Variants in NRXN3 observed in about 807,000 individuals in gnomAD.
The protein encoded by NRXN3 is neurexin III.
A neutral mutation model predicts 137.6 loss-of-function variants in NRXN3; 32 were observed. The observed-to-expected ratio is 0.23, with a 90% CI of 0.18 to 0.31. The LOEUF (loss-of-function observed/expected upper bound fraction) is 0.31. Ranked by LOEUF, NRXN3 falls within the 10% of genes least tolerant of loss-of-function variation. The pLI, the probability that NRXN3 is intolerant of heterozygous loss-of-function variation, is 1.00. For synonymous variants in NRXN3, 798 were observed against 784.5 expected, an observed-to-expected ratio of 1.02 and a Z score of -0.29; for missense variants, 1,574 against 2,062.5, an observed-to-expected ratio of 0.76 and a Z score of 4.59.
chr14:79,238,510 T>C (rs1378780279), intron 15 of NRXN3, among the ~76,000 whole-genome samples: 1 of 152,080 alleles, frequency 6.6e-6, no homozygotes, highest in Non-Finnish European at 1.5e-5. Flanking sequence ...GTTGGAAGTC[T>C]TGTACGTTCC....
Position 78,243,101 on chromosome 14 carries a change from C to T in NRXN3, c.8C>T (p.Ser3Phe). Residue 3 changes from serine to phenylalanine, a missense_variant, in exon 2 of 21, where the codon TCC becomes TTC. Ser to Phe is a radical substitution (Grantham distance 155). Around this residue, in one of 5 missense-constraint regions of NRXN3, gnomAD observed 400 missense variants for 527.3 expected, o/e 0.76. Transcript: ENST00000335750. This position sits in a 1 kb window ranked among gnomAD's most constrained non-coding sequence, Gnocchi z 4.2. ...TCTGTCCCAGCAGCGACAATGAGCT[C>T]CACACTCCACTCGGTTTTCTTCACC... MS[S>F]TLHSVFFTLK... The T allele has an allele frequency of 6.6e-7, 1 of 1,526,600 alleles. No individual in the cohort carries two copies. The highest frequency in any genetic ancestry group is 8.7e-7 in the Non-Finnish European group (1 of 1,143,068). The allele number at this position is 1,526,600 out of a possible 1,614,324, so 94.6% of individuals were successfully genotyped here.
intron 16 of NRXN3, among the ~76,000 whole-genome samples, chr14:79,627,074 T>C (rs941599406): frequency 2.0e-5 from 3 of 152,154 alleles, no homozygotes; most frequent in Non-Finnish European, 4.4e-5. Flanking sequence ...TAAAAGCACC[T>C]CTCCCTTGGT....
chr14:78,492,596 T>TCA (rs2153750541), intron 4 of NRXN3, among the ~76,000 whole-genome samples: 1 of 152,278 alleles, frequency 6.6e-6, no homozygotes, highest in African/African-American at 2.4e-5. Context: ...AAATGGGTGT[T>TCA]CACACACACA....
chr14:79,820,489 T>G (rs2099268304), intron 20 of NRXN3, among the ~76,000 whole-genome samples: 1 of 152,192 alleles, frequency 6.6e-6, no homozygotes, highest in African/African-American at 2.4e-5. Flanking sequence ...ACTGCAAAAA[T>G]GGCTTTTCCT....
chr14:78,634,285 C>T (rs1336054187), intron 4 of NRXN3, among the ~76,000 whole-genome samples: 1 of 152,162 alleles, frequency 6.6e-6, no homozygotes, highest in African/African-American at 2.4e-5. Flanking sequence ...TGGAAAGCAA[C>T]GATGGGGCAG....
rs373491178 is a variant in NRXN3, at chr14:78,660,253, T to TTATATATATA, written c.1221+8941_1221+8950dup. Among the ~76,000 whole-genome samples the TTATATATATA allele has an allele frequency of 2.2e-3, 314 of 139,712 alleles. 7 individuals are homozygous for TTATATATATA. The highest frequency in any genetic ancestry group is 7.5e-3 in the African/African-American group (266 of 35,558). 91.7% of individuals were successfully genotyped at this position (139,712 alleles called of 152,430 possible). On this transcript the variant is annotated intron_variant, in intron 6 of 20. Transcript: ENST00000335750. ...ATGGGTTGTTGATGAAGAAGTAGAT[T>TTATATATATA]TATATATATATATATATATATATTT... is the stretch of plus-strand genomic sequence containing the variant.
chr14:78,720,723 A>G (rs1008468145), intron 8 of NRXN3, among the ~76,000 whole-genome samples: 1 of 152,252 alleles, frequency 6.6e-6, no homozygotes, highest in African/African-American at 2.4e-5. Flanking sequence ...GTATATGATT[A>G]TGAAAAATCC....
intron 15 of NRXN3, among the ~76,000 whole-genome samples, chr14:79,029,516 A>G (rs904427708): frequency 6.6e-6 from 1 of 152,126 alleles, no homozygotes; most frequent in Non-Finnish European, 1.5e-5. Context: ...CAGTTTACAG[A>G]TGGATGGAAA....
At chr14:79,107,320 G>A (rs1330149923) in intron 15 of NRXN3, among the ~76,000 whole-genome samples, 1 of 152,152 alleles carries the variant, frequency 6.6e-6, no homozygotes, top group Non-Finnish European at 1.5e-5. Context: ...AGGCTGAGAA[G>A]TGGCTGATCA....
In NRXN3 at chr14:78,707,339, C is replaced by T. The variant is rs1281190817; in HGVS notation, c.1222-1878C>T. 2.0e-5 allele frequency among the ~76,000 whole-genome samples: 3 copies of T among 152,232 alleles called. No individual in the cohort carries two copies. In the East Asian group the frequency reaches 5.8e-4, roughly 29 times the overall value. The stretch of plus-strand genomic sequence containing the variant: ...AAAATAGGAAAATAGTTGGGACGCT[C>T]AATACTCAGATCCTTGTCTATTTCC... On this transcript the variant is annotated intron_variant, in intron 6 of 20. Transcript: ENST00000335750.
chr14:79,080,378 A>G (rs564430450), intron 15 of NRXN3, among the ~76,000 whole-genome samples: 33 of 152,304 alleles, frequency 2.2e-4, no homozygotes, highest in African/African-American at 7.0e-4. Flanking sequence ...TAAATAAACT[A>G]TTTTGTTTGA....
At chr14:79,237,673 A>G (rs181422132) in intron 15 of NRXN3, among the ~76,000 whole-genome samples, 121 of 152,230 alleles carry the variant, frequency 7.9e-4, no homozygotes, top group African/African-American at 2.8e-3. Flanking sequence ...ATGTGTTAAG[A>G]GATGGGGAAG....
chr14:78,987,946 T>C lies in NRXN3; in HGVS notation c.3143-76T>C, dbSNP rs1410155188. 8.7e-6 allele frequency: 13 copies of C among 1,485,882 alleles called. No homozygotes were observed. In the Middle Eastern group the frequency reaches 1.1e-3, roughly 123 times the overall value. The allele number at this position is 1,485,882 out of a possible 1,614,324, so 92.0% of individuals were successfully genotyped here. A position where few individuals can be genotyped will look rare whatever the true frequency, so the allele number is the denominator to read the frequency against. On this transcript the variant is annotated intron_variant, in intron 14 of 20. Transcript: ENST00000335750. Reference sequence around the variant, plus strand: ...GCATGAGAATGGTAAATTCAGGTGATTTCCTTGAATCTAATTTTTAACATT... The same window carrying C: ...GCATGAGAATGGTAAATTCAGGTGACTTCCTTGAATCTAATTTTTAACATT...
chr14:79,672,696 T>C (rs1006145921), intron 17 of NRXN3, among the ~76,000 whole-genome samples: 1 of 152,068 alleles, frequency 6.6e-6, no homozygotes, highest in African/African-American at 2.4e-5. Context: ...AAGTTGTCTC[T>C]AATTACGAAA....
At chr14:79,782,289 T>C (rs997648618) in intron 19 of NRXN3, among the ~76,000 whole-genome samples, 1 of 152,152 alleles carries the variant, frequency 6.6e-6, no homozygotes, top group African/African-American at 2.4e-5. Flanking sequence ...AGTCTATTAC[T>C]TTTCCCCTAT....
chr14:78,203,109 C>T (rs1295557417), intron 1 of NRXN3, among the ~76,000 whole-genome samples: 2 of 152,144 alleles, frequency 1.3e-5, no homozygotes, highest in East Asian at 1.9e-4. Context: ...GAGATGTTTC[C>T]TCTTACACTT....
chr14:78,311,729 T>G (rs1476134844), intron 4 of NRXN3, among the ~76,000 whole-genome samples: 1 of 149,780 alleles, frequency 6.7e-6, no homozygotes, highest in Non-Finnish European at 1.5e-5. Flanking sequence ...TTGATAGATG[T>G]GTCTGCTTTT....
intron 15 of NRXN3, among the ~76,000 whole-genome samples, chr14:79,396,404 C>T (rs1426545339): frequency 6.6e-6 from 1 of 152,052 alleles, no homozygotes; most frequent in Non-Finnish European, 1.5e-5. Context: ...AACAAATGTT[C>T]TCACCCTTGT....
At chr14:78,949,606 A>T (rs922891297) in intron 10 of NRXN3, among the ~76,000 whole-genome samples, 6 of 112,450 alleles carry the variant, frequency 5.3e-5, no homozygotes, top group African/African-American at 3.3e-4. Flanking sequence ...TTTTTTTTAA[A>T]AAAAAACTAC....
Sources: allele counts gnomAD v4.1 joint callset (sites outside exome capture counted in the v4.1 genomes callset), GRCh38; gene constraint gnomAD v4.1.1; regional missense constraint gnomAD v4.1.1; non-coding constraint Gnocchi (gnomAD v3.1); transcripts MANE v1.5; gene names NCBI Gene and HGNC (gene_info 2026-07-23, HGNC 2026-07-21).